AFF2: variants seen among roughly 807,000 people sequenced by gnomAD.
The protein encoded by AFF2 is AF4/FMR2 family member 2.
In AFF2, 14 loss-of-function variants were observed where a neutral mutation model predicts 76.9. The observed-to-expected ratio is 0.18, with a 90% CI of 0.12 to 0.28. AFF2 has a LOEUF of 0.28. Ranked by LOEUF, AFF2 falls within the 10% of genes least tolerant of loss-of-function variation. The pLI is 1.00. For synonymous variants in AFF2, 398 were observed against 366.7 expected, an observed-to-expected ratio of 1.09 and a Z score of -0.98; for missense variants, 868 against 1,001.1, an observed-to-expected ratio of 0.87 and a Z score of 1.79.
chrX:148,736,210 C>T (rs1437884472), intron 3 of AFF2, among the ~76,000 whole-genome samples: 1 of 111,975 alleles, frequency 8.9e-6, no homozygotes, highest in East Asian at 2.8e-4. Flanking sequence ...TCCATAGTGG[C>T]TGTACTAGTT....
chrX:148,766,130 G>A (rs1287842586), intron 3 of AFF2, among the ~76,000 whole-genome samples: 1 of 110,446 alleles, frequency 9.1e-6, no homozygotes, highest in African/African-American at 3.3e-5. Flanking sequence ...TTGGTTCCAA[G>A]TCTTTGCTAT....
At position 148,953,646 on chromosome X, in the gene AFF2, C is replaced by T; in HGVS notation, c.1464C>T (p.Ser488=). The T allele has an allele frequency of 3.3e-6, 4 of 1,211,423 alleles. No individual in the cohort carries two copies. The highest frequency in any genetic ancestry group is 3.0e-5 in the East Asian group (1 of 33,836). Residue 488 remains serine (S), a synonymous_variant, in exon 10 of 21, where the codon AGC becomes AGT. Transcript: ENST00000370460. The part of the protein sequence containing the change: ...VQASGGSGSS[S]ESESSSESDS... Reference sequence around the variant, plus strand: ...CCAGCGGGGGTTCTGGCAGCTCCAGCGAATCGGAGAGCAGCTCTGAGTCGG... The same window carrying T: ...CCAGCGGGGGTTCTGGCAGCTCCAGTGAATCGGAGAGCAGCTCTGAGTCGG...
chrX:148,757,719 A>C (rs1557266991), intron 3 of AFF2, among the ~76,000 whole-genome samples: 1 of 111,880 alleles, frequency 8.9e-6, no homozygotes, highest in East Asian at 2.8e-4. Flanking sequence ...TTCTTTGCCA[A>C]AATTGAGCAC....
At chrX:148,724,591 C>T (rs1287526213) in intron 3 of AFF2, among the ~76,000 whole-genome samples, 1 of 112,155 alleles carries the variant, frequency 8.9e-6, no homozygotes, top group Non-Finnish European at 1.9e-5. Flanking sequence ...ATATTACTAT[C>T]CCATTTTACA....
chrX:148,544,079 G>A (rs1362944097), intron 1 of AFF2, among the ~76,000 whole-genome samples: 1 of 111,947 alleles, frequency 8.9e-6, no homozygotes, highest in Non-Finnish European at 1.9e-5. Context: ...GGTCACTTTC[G>A]AACTTGGAGT....
At chrX:148,527,629 C>T (rs1208563039) in intron 1 of AFF2, among the ~76,000 whole-genome samples, 1 of 111,341 alleles carries the variant, frequency 9.0e-6, no homozygotes, top group East Asian at 2.8e-4. Flanking sequence ...ATCATGACTG[C>T]CAATTAACAC....
chrX:148,904,424 C>A (rs924343177), intron 9 of AFF2, 166 bp downstream of exon 9: 1 of 398,337 alleles, frequency 2.5e-6, no homozygotes, highest in Admixed American at 4.9e-5. Flanking sequence ...GAGCAGGGAC[C>A]AGCTTATATT....
intron 1 of AFF2, among the ~76,000 whole-genome samples, chrX:148,535,101 G>A (rs1265251949): frequency 9.0e-6 from 1 of 111,454 alleles, no homozygotes; most frequent in Non-Finnish European, 1.9e-5. Flanking sequence ...GGAAATCATA[G>A]CACCTAAGTC....
At chrX:148,834,730 C>T (rs1211226445) in intron 4 of AFF2, among the ~76,000 whole-genome samples, 1 of 110,873 alleles carries the variant, frequency 9.0e-6, no homozygotes, top group Non-Finnish European at 1.9e-5. Context: ...TTAGGAATAG[C>T]AAGAACATAA....
chrX:148,573,313 A>G (rs2053249859), intron 1 of AFF2, among the ~76,000 whole-genome samples: 1 of 111,059 alleles, frequency 9.0e-6, no homozygotes, highest in East Asian at 2.8e-4. Flanking sequence ...CACATCCACT[A>G]GAGGGGGAGC....
chrX:148,927,728 A>G (rs2071669282), intron 9 of AFF2, among the ~76,000 whole-genome samples: 1 of 112,290 alleles, frequency 8.9e-6, no homozygotes, highest in African/African-American at 3.2e-5. Context: ...ATGGAGTGTC[A>G]TGAACACTGT....
At chrX:148,771,041 G>A (rs2124599266) in intron 3 of AFF2, among the ~76,000 whole-genome samples, 1 of 111,866 alleles carries the variant, frequency 8.9e-6, no homozygotes, top group East Asian at 2.8e-4. Context: ...GTACATGCTG[G>A]GCAGAAGGTG....
chrX:148,545,564 T>C (rs1433463694), intron 1 of AFF2, among the ~76,000 whole-genome samples: 3 of 111,374 alleles, frequency 2.7e-5, no homozygotes, highest in Non-Finnish European at 5.7e-5. Context: ...AGGGTGATCA[T>C]GCACACTGGT....
In AFF2 at chrX:148,712,394, A is replaced by T. The variant is rs868911689; in HGVS notation, c.1041+49626A>T. The stretch of plus-strand genomic sequence containing the variant: ...AGTTGTAAAGTAGAATTTCATATAT[A>T]AAAAAATCTGTATTCACTCCCCTCA... On this transcript the variant is annotated intron_variant, in intron 3 of 20. Coordinates refer to ENST00000370460, the MANE Select transcript of AFF2 (RefSeq NM_002025.4). Among the ~76,000 whole-genome samples the T allele has an allele frequency of 3.6e-5, 4 of 111,597 alleles. No homozygotes were observed. The South Asian group carries it at 1.1e-3, about 32-fold the overall frequency.
chrX:148,553,692 A>G (rs1222101983), intron 1 of AFF2, among the ~76,000 whole-genome samples: 1 of 111,269 alleles, frequency 9.0e-6, no homozygotes, highest in African/African-American at 3.3e-5. Flanking sequence ...CTGAAACTGT[A>G]GCTGAGCCTC....
chrX:148,867,988 A>G (rs1211995756), intron 7 of AFF2, among the ~76,000 whole-genome samples: 1 of 111,668 alleles, frequency 9.0e-6, no homozygotes, highest in Non-Finnish European at 1.9e-5. Flanking sequence ...ACACCCTGGA[A>G]CCTAAAGCCT....
chrX:148,669,031 T>C (rs2054391234), intron 3 of AFF2, among the ~76,000 whole-genome samples: 1 of 111,839 alleles, frequency 8.9e-6, no homozygotes, highest in Non-Finnish European at 1.9e-5. Context: ...GCATAGAAAT[T>C]TCTTCTGCCA....
chrX:148,598,513 A>T (rs919498996), intron 1 of AFF2, among the ~76,000 whole-genome samples: 2 of 112,505 alleles, frequency 1.8e-5, no homozygotes, highest in African/African-American at 3.2e-5. Context: ...ATCCCAAGGC[A>T]CTAGCGTTCT....
At chrX:148,762,908 G>A (rs181155117) in intron 3 of AFF2, among the ~76,000 whole-genome samples, 19 of 111,894 alleles carry the variant, frequency 1.7e-4, no homozygotes, top group African/African-American at 5.5e-4. Flanking sequence ...TCTATTTTGT[G>A]ACAGAACAGG....
Sources: gnomAD v4.1 joint callset for allele counts (sites outside exome capture counted in the v4.1 genomes callset) on GRCh38, gnomAD v4.1.1 for gene constraint, MANE v1.5 for transcripts, NCBI Gene and HGNC (gene_info 2026-07-23, HGNC 2026-07-21) for gene names.